ATP6V1H: variants seen among roughly 807,000 people sequenced by gnomAD.
The protein encoded by ATP6V1H is ATPase H+ transporting V1 subunit H, also known as V-type proton ATPase subunit H.
A neutral mutation model predicts 71.7 loss-of-function variants in ATP6V1H; 39 were observed. The ratio of observed to expected loss-of-function variants is 0.54; its 90% CI spans 0.42 to 0.71. ATP6V1H has a LOEUF of 0.71. Among genes scored for constraint, ATP6V1H ranks in the 30% least tolerant of loss-of-function variants. The pLI, the probability that ATP6V1H is intolerant of heterozygous loss-of-function variation, is 0.00. For missense variants in ATP6V1H, 509 were observed against 594.9 expected, an observed-to-expected ratio of 0.86 and a Z score of 1.50; for synonymous variants, 192 against 199.3, an observed-to-expected ratio of 0.96 and a Z score of 0.31.
chr8:53,841,527 C>G (rs760640595), intron 2 of ATP6V1H, 51 bp downstream of exon 2: 2 of 1,579,432 alleles, frequency 1.3e-6, no homozygotes, highest in East Asian at 4.5e-5. Flanking sequence ...ATGAAAAAGT[C>G]TGATGCAAAA....
rs559246918 is a variant in ATP6V1H, at chr8:53,801,538, T to G, written c.677+261A>C. 1.4e-4 allele frequency among the ~76,000 whole-genome samples: 21 copies of G among 152,302 alleles called. No individual in the cohort carries two copies. The South Asian group carries it at 4.4e-3, about 32-fold the overall frequency. ...TCATCATCAATTATTTTCTAAAATTTTTTATATTCTGAGTACCTGGAATCT... is the reference window on the plus strand; with the variant it reads ...TCATCATCAATTATTTTCTAAAATTGTTTATATTCTGAGTACCTGGAATCT... On this transcript the variant is annotated intron_variant, in intron 8 of 13. Coordinates refer to ENST00000359530, the MANE Select transcript of ATP6V1H (RefSeq NM_015941.4).
At chr8:53,811,607 A>G (rs1339723160) in intron 6 of ATP6V1H, among the ~76,000 whole-genome samples, 3 of 152,234 alleles carry the variant, frequency 2.0e-5, no homozygotes, top group Non-Finnish European at 4.4e-5. Context: ...GCTTTCAAAA[A>G]TAGGTGCCTG....
chr8:53,741,513 T>C (rs766463658), intron 13 of ATP6V1H, among the ~76,000 whole-genome samples: 2 of 152,244 alleles, frequency 1.3e-5, no homozygotes, highest in African/African-American at 4.8e-5. Context: ...TATAAGCTCA[T>C]TGGTTGCAAT....
chr8:53,783,766 A>C (rs1752970177), intron 9 of ATP6V1H, among the ~76,000 whole-genome samples: 1 of 152,152 alleles, frequency 6.6e-6, no homozygotes, highest in Admixed American at 6.5e-5. Flanking sequence ...GGTTTCAAAG[A>C]ACATCTTTAT....
intron 8 of ATP6V1H, among the ~76,000 whole-genome samples, chr8:53,797,370 G>C (rs6997003): frequency 0.11 from 16,096 of 152,116 alleles, 1,231 homozygotes; most frequent in East Asian, 0.37. Flanking sequence ...GCCAAATTCA[G>C]TTTGCAGTTT....
intron 11 of ATP6V1H, among the ~76,000 whole-genome samples, chr8:53,762,928 T>C (rs913816711): frequency 1.3e-5 from 2 of 152,240 alleles, no homozygotes; most frequent in Non-Finnish European, 2.9e-5. Context: ...GATGAAGACC[T>C]TTACAATGAT....
intron 3 of ATP6V1H, chr8:53,832,627 A>T (rs1811044265): frequency 6.3e-6 from 1 of 157,894 alleles, no homozygotes; most frequent in Non-Finnish European, 1.4e-5. Flanking sequence ...ATCCCATGTC[A>T]TCAAAGTGAT....
In ATP6V1H at chr8:53,731,906, C is replaced by T. The variant is rs574634214; in HGVS notation, c.1391+11671G>A. 2.7e-4 allele frequency among the ~76,000 whole-genome samples: 41 copies of T among 152,380 alleles called. 1 individual carries two copies. The South Asian group carries it at 7.0e-3, about 26-fold the overall frequency. On this transcript the variant is annotated intron_variant, in intron 13 of 13. Coordinates refer to ENST00000359530, the MANE Select transcript of ATP6V1H (RefSeq NM_015941.4). ...GGGGTAGGCATTTGTCCTGGTGGAACACCTCATCAGAGCGGTGCATGGCAG... is the reference window on the plus strand; with the variant it reads ...GGGGTAGGCATTTGTCCTGGTGGAATACCTCATCAGAGCGGTGCATGGCAG...
In ATP6V1H at chr8:53,716,517, A is replaced by G. The variant is rs548599759; in HGVS notation, c.1392-493T>C. Among the ~76,000 whole-genome samples, 270 of 152,354 alleles carry G rather than the reference A, an allele frequency of 1.8e-3. 1 individual carries two copies. The highest frequency in any genetic ancestry group is 6.2e-3 in the African/African-American group (258 of 41,582). On this transcript the variant is annotated intron_variant, in intron 13 of 13. Coordinates refer to ENST00000359530, the MANE Select transcript of ATP6V1H (RefSeq NM_015941.4). ...ATGACACAAGAGTACGTGAAAATAAATCACCAAAAGTAGCATTGGGAGTCC... is the reference window on the plus strand; with the variant it reads ...ATGACACAAGAGTACGTGAAAATAAGTCACCAAAAGTAGCATTGGGAGTCC...
rs1191490101 is a variant in ATP6V1H at position 53,817,502 on chromosome 8, A to G, written c.335T>C (p.Phe112Ser). ...QENHQRVSIF[F>S]DYARCSKNTA... is the part of the protein sequence containing the mutation. ...GTTCTTGCTACATCTTGCATAGTCA[A>G]AGAAAATGCTAACACGCTGATGATT... The change falls in exon 5 of 14, where the codon TTT (phenylalanine) becomes TCT (serine). Residue 112 changes from phenylalanine to serine, a missense_variant. By Grantham distance (155) the Phe-to-Ser change is radical (BLOSUM62 -2). This residue lies in a region of ATP6V1H where 297 missense variants were observed against 303.3 expected (regional missense o/e 0.98). Coordinates refer to ENST00000359530, the MANE Select transcript of ATP6V1H (RefSeq NM_015941.4). The G allele has an allele frequency of 1.2e-6, 2 of 1,612,832 alleles. No homozygotes were observed. Among genetic ancestry groups the G allele is most frequent in the East Asian group, 2.2e-5 (1 of 44,852 alleles).
At chr8:53,764,896 C>T (rs376746662) in intron 11 of ATP6V1H, among the ~76,000 whole-genome samples, 4 of 151,798 alleles carry the variant, frequency 2.6e-5, no homozygotes, top group Non-Finnish European at 2.9e-5. Flanking sequence ...GCCAGGAGTT[C>T]GAGACCAACC....
chr8:53,735,621 A>C (rs1374355280), intron 13 of ATP6V1H, among the ~76,000 whole-genome samples: 2 of 152,156 alleles, frequency 1.3e-5, no homozygotes, highest in Admixed American at 1.3e-4. Context: ...TAAGTCCCCC[A>C]AATTAAAAGT....
At position 53,737,608 on chromosome 8, in the gene ATP6V1H, C is replaced by T. The variant is rs6987427; in HGVS notation, c.1391+5969G>A. ...GGAGAATGCAGTACAGATCTGATAC[C>T]GTGTGGTGGGAGAAATCTGGTCTTT... is the stretch of plus-strand genomic sequence containing the variant. On this transcript the variant is annotated intron_variant, in intron 13 of 13. Transcript: ENST00000359530. Among the ~76,000 whole-genome samples the T allele has an allele frequency of 7.9e-5, 12 of 151,998 alleles. 1 individual carries two copies. Among genetic ancestry groups the T allele is most frequent in the African/African-American group, 1.7e-4 (7 of 41,360 alleles).
At chr8:53,758,099 T>G (rs1474938546) in intron 11 of ATP6V1H, among the ~76,000 whole-genome samples, 1 of 152,224 alleles carries the variant, frequency 6.6e-6, no homozygotes, top group Non-Finnish European at 1.5e-5. Context: ...ATTCAGTTTT[T>G]CATATATCTA....
intron 2 of ATP6V1H, among the ~76,000 whole-genome samples, chr8:53,835,312 A>G (rs1811123051): frequency 6.6e-6 from 1 of 152,190 alleles, no homozygotes; most frequent in Admixed American, 6.5e-5. Flanking sequence ...AGGACACTGA[A>G]GCAAAAAAGC....
chr8:53,741,925 T>C (rs1040359853), intron 13 of ATP6V1H, among the ~76,000 whole-genome samples: 2 of 152,192 alleles, frequency 1.3e-5, no homozygotes, highest in African/African-American at 2.4e-5. Context: ...CAGACTACCA[T>C]GAAAACCAGC....
intron 4 of ATP6V1H, among the ~76,000 whole-genome samples, chr8:53,819,705 C>T (rs1429913519): frequency 8.1e-6 from 1 of 122,746 alleles, no homozygotes; most frequent in African/African-American, 3.4e-5. Flanking sequence ...TATGTATATA[C>T]GTATATACAT....
chr8:53,793,351 G>A (rs1809627577), intron 9 of ATP6V1H, among the ~76,000 whole-genome samples: 1 of 152,112 alleles, frequency 6.6e-6, no homozygotes, highest in Non-Finnish European at 1.5e-5. Context: ...TCTACCAAAA[G>A]TGCAGGCCAG....
chr8:53,734,300 A>T (rs1468806269), intron 13 of ATP6V1H, among the ~76,000 whole-genome samples: 1 of 152,138 alleles, frequency 6.6e-6, no homozygotes, highest in Non-Finnish European at 1.5e-5. Context: ...AGCAGACCTG[A>T]CCTCTGGGAC....
Sources: allele counts gnomAD v4.1 joint callset (sites outside exome capture counted in the v4.1 genomes callset), GRCh38; gene constraint gnomAD v4.1.1; regional missense constraint gnomAD v4.1.1; transcripts MANE v1.5; gene names NCBI Gene and HGNC (gene_info 2026-07-23, HGNC 2026-07-21).